The following FNDC3A variants were observed in gnomAD, a reference collection of about 807,000 sequenced individuals.
FNDC3A encodes fibronectin type III domain containing 3A, also known as fibronectin type-III domain-containing protein 3A.
In FNDC3A, 32 loss-of-function variants were observed where a neutral mutation model predicts 148.9. That is an observed-to-expected ratio of 0.21 (90% CI 0.16 to 0.29). The LOEUF is 0.29. Among genes scored for constraint, FNDC3A ranks in the 10% least tolerant of loss-of-function variants. FNDC3A has a pLI of 1.00. For synonymous variants in FNDC3A, 472 were observed against 473.6 expected (o/e 1.00, Z 0.04); for missense variants, 1,191 against 1,452.8 (o/e 0.82, Z 2.93).
chr13:49,183,401 G>C (rs1885402665), intron 14 of FNDC3A, among the ~76,000 whole-genome samples: 1 of 152,168 alleles, frequency 6.6e-6, no homozygotes, highest in South Asian at 2.1e-4. Context: ...GGTACAATCT[G>C]CTCACACAGG....
intron 2 of FNDC3A, among the ~76,000 whole-genome samples, chr13:49,060,418 C>T (rs984847746): frequency 9.2e-5 from 14 of 152,084 alleles, no homozygotes; most frequent in South Asian, 2.1e-4. Context: ...CCAAGGTGGG[C>T]GGATCACCTG....
chr13:49,091,588 C>T (rs1208546866), intron 3 of FNDC3A, among the ~76,000 whole-genome samples: 2 of 152,196 alleles, frequency 1.3e-5, no homozygotes, highest in East Asian at 3.9e-4. Flanking sequence ...TCAAGAATGT[C>T]CTAGAAAGGG....
In FNDC3A at chr13:49,136,534, C is replaced by T; in HGVS notation, c.693C>T (p.Asn231=). 1.9e-6 allele frequency: 3 copies of T among 1,614,006 alleles called. No individual in the cohort carries two copies. Among genetic ancestry groups the T allele is most frequent in the Non-Finnish European group, 2.5e-6 (3 of 1,179,934 alleles). ...AAGGACAAATTGCTGGTGGTATAAACACAGGATCAGCAAAAATCAAGTCTG... is the reference window on the plus strand; with the variant it reads ...AAGGACAAATTGCTGGTGGTATAAATACAGGATCAGCAAAAATCAAGTCTG... ...LIKGQIAGGI[N]TGSAKIKSGK... The change falls in exon 6 of 26, where the codon AAC becomes AAT. Residue 231 remains asparagine, a synonymous_variant. Coordinates refer to ENST00000492622, the MANE Select transcript of FNDC3A (RefSeq NM_001079673.2).
intron 8 of FNDC3A, among the ~76,000 whole-genome samples, chr13:49,150,283 C>A (rs1413152396): frequency 6.6e-6 from 1 of 152,054 alleles, no homozygotes; most frequent in Non-Finnish European, 1.5e-5. Context: ...CTGCTCTGAT[C>A]TTTATTATTT....
intron 5 of FNDC3A, among the ~76,000 whole-genome samples, chr13:49,134,839 C>CTTT (rs758721367): frequency 2.4e-4 from 1 of 4,208 alleles, no homozygotes; most frequent in Non-Finnish European, 4.7e-4. Context: ...TGGAGTTTCA[C>CTTT]TCTTTTTTTT....
At chr13:49,037,576 C>G (rs1310466571) in intron 2 of FNDC3A, among the ~76,000 whole-genome samples, 3 of 152,190 alleles carry the variant, frequency 2.0e-5, no homozygotes, top group Non-Finnish European at 2.9e-5. Context: ...CCCCCTACCC[C>G]CTGCCACAAC....
At chr13:49,196,113 A>C (rs1886140172) in intron 19 of FNDC3A, among the ~76,000 whole-genome samples, 1 of 145,220 alleles carries the variant, frequency 6.9e-6, no homozygotes, top group African/African-American at 2.5e-5. Flanking sequence ...AAAGAAGTTG[A>C]GCTAGCTCTT....
chr13:49,120,647 T>C (rs1241731316), intron 4 of FNDC3A, among the ~76,000 whole-genome samples: 1 of 151,438 alleles, frequency 6.6e-6, no homozygotes, highest in Admixed American at 6.6e-5. Flanking sequence ...TGGAGGAAGA[T>C]TTACCAAGCA....
At chr13:49,001,675 C>A (rs1952128106) in intron 1 of FNDC3A, among the ~76,000 whole-genome samples, 1 of 152,086 alleles carries the variant, frequency 6.6e-6, no homozygotes. Flanking sequence ...ATGAAATAAG[C>A]CCCAGTCTCC....
chr13:49,113,444 C>T (rs1880715847), intron 3 of FNDC3A, among the ~76,000 whole-genome samples: 1 of 152,070 alleles, frequency 6.6e-6, no homozygotes, highest in Non-Finnish European at 1.5e-5. Flanking sequence ...CTTGCCTTCC[C>T]TAGAAAGGGC....
chr13:49,149,195 A>G (rs1400494713), intron 8 of FNDC3A, among the ~76,000 whole-genome samples: 1 of 147,362 alleles, frequency 6.8e-6, no homozygotes, highest in Non-Finnish European at 1.5e-5. Flanking sequence ...AATACCTTTT[A>G]TTCCTTTCTC....
intron 1 of FNDC3A, among the ~76,000 whole-genome samples, chr13:48,978,125 T>C (rs974405453): frequency 4.6e-5 from 7 of 152,128 alleles, no homozygotes; most frequent in Non-Finnish European, 1.0e-4. Flanking sequence ...TGTCTTCACT[T>C]CCTCTATCTG....
intron 8 of FNDC3A, among the ~76,000 whole-genome samples, chr13:49,156,422 G>A (rs1312672881): frequency 1.5e-4 from 22 of 150,748 alleles, no homozygotes; most frequent in Admixed American, 2.0e-4. Flanking sequence ...GTCTCTGCAC[G>A]TGAGATGGGT....
chr13:49,039,181 T>C (rs1874732037), intron 2 of FNDC3A, among the ~76,000 whole-genome samples: 1 of 152,202 alleles, frequency 6.6e-6, no homozygotes, highest in African/African-American at 2.4e-5. Context: ...TGTATTACCA[T>C]TGGAATGTAA....
chr13:49,070,881 C>CTTTTTTTTTTTTTTTTTTTTTTT (rs758290861), intron 2 of FNDC3A, among the ~76,000 whole-genome samples: 10 of 120,968 alleles, frequency 8.3e-5, no homozygotes, highest in Non-Finnish European at 1.0e-4. Context: ...AACAGGATTT[C>CTTTTTTTTTTTTTTTTTTTTTTT]TTTTTTTTTT....
Position 49,166,476 on chromosome 13 carries a change from G to A in FNDC3A, c.978-768G>A, listed in dbSNP as rs547370463. Among the ~76,000 whole-genome samples, 13 of 152,270 alleles carry A rather than the reference G, an allele frequency of 8.5e-5. No individual in the cohort carries two copies. The South Asian group carries it at 2.5e-3, about 29-fold the overall frequency. ...CTTTTGGGGGTTGTGCTCTCAATAT[G>A]ATACCTTGTTCTAGCTGCTTAGGGT... On this transcript the variant is annotated intron_variant, in intron 8 of 25. Transcript: ENST00000492622.
intron 2 of FNDC3A, among the ~76,000 whole-genome samples, chr13:49,067,786 A>T (rs983039364): frequency 6.6e-6 from 1 of 152,178 alleles, no homozygotes; most frequent in African/African-American, 2.4e-5. Flanking sequence ...ATACCAATCC[A>T]GGTTGTTTAC....
chr13:49,018,319 C>G (rs1872992085), intron 2 of FNDC3A, among the ~76,000 whole-genome samples: 2 of 152,138 alleles, frequency 1.3e-5, no homozygotes, highest in South Asian at 4.1e-4. Context: ...TCTTTTTTCT[C>G]TAAACTTCCC....
chr13:49,117,057 G>C (rs1881013520), intron 4 of FNDC3A, among the ~76,000 whole-genome samples: 1 of 152,112 alleles, frequency 6.6e-6, no homozygotes, highest in Non-Finnish European at 1.5e-5. Flanking sequence ...GAAGTAAGAA[G>C]TCTAGATCAT....
Sources: gnomAD v4.1 joint callset for allele counts (sites outside exome capture counted in the v4.1 genomes callset) on GRCh38, gnomAD v4.1.1 for gene constraint, MANE v1.5 for transcripts, NCBI Gene and HGNC (gene_info 2026-07-23, HGNC 2026-07-21) for gene names.